Variants in CEP85L observed in about 807,000 individuals in gnomAD.
CEP85L encodes the protein centrosomal protein 85L.
A neutral mutation model predicts 100.3 loss-of-function variants in CEP85L; 60 were observed. That is an observed-to-expected ratio of 0.60 (90% CI 0.49 to 0.74). The LOEUF (loss-of-function observed/expected upper bound fraction) is 0.74, where lower values mean the gene tolerates loss of function less well. Ranked by LOEUF, CEP85L falls within the 30% of genes least tolerant of loss-of-function variation. The probability of loss-of-function intolerance (pLI) is 0.00; values close to 1 mark genes in which losing one functional copy is unlikely to be tolerated. For missense variants in CEP85L, 973 were observed against 936.2 expected, an observed-to-expected ratio of 1.04 and a Z score of -0.51; for synonymous variants, 319 against 322.7, an observed-to-expected ratio of 0.99 and a Z score of 0.12.
rs1781474564 is a variant in CEP85L, at chr6:118,596,681, G to A, written c.233-30365C>T. On this transcript the variant is annotated intron_variant, in intron 2 of 12. Transcript: ENST00000368491. ...TGATTTTTTTAAAAAAAAAACAAGAGTACCTTTCCAGGCAATAATAAATGC... is the reference window on the plus strand; with the variant it reads ...TGATTTTTTTAAAAAAAAAACAAGAATACCTTTCCAGGCAATAATAAATGC... Among the ~76,000 whole-genome samples, 3 of 151,644 alleles carry A rather than the reference G, an allele frequency of 2.0e-5. No homozygotes were observed. In the South Asian group the frequency reaches 6.2e-4, roughly 32 times the overall value.
intron 3 of CEP85L, among the ~76,000 whole-genome samples, chr6:118,547,143 A>G (rs2114909427): frequency 6.6e-6 from 1 of 152,236 alleles, no homozygotes; most frequent in African/African-American, 2.4e-5. Context: ...CCTCCTCTAA[A>G]ATTAAAGAAG....
At chr6:118,573,277 A>G (rs1304947104) in intron 2 of CEP85L, among the ~76,000 whole-genome samples, 1 of 152,204 alleles carries the variant, frequency 6.6e-6, no homozygotes, top group East Asian at 1.9e-4. Context: ...CAATGGACTA[A>G]TATCTTCAAA....
At chr6:118,620,001 C>T (rs1773336873) in intron 2 of CEP85L, among the ~76,000 whole-genome samples, 1 of 152,254 alleles carries the variant, frequency 6.6e-6, no homozygotes, top group East Asian at 1.9e-4. Context: ...AGATTGGAGC[C>T]GCAGGCATTT....
chr6:118,497,563 C>T (rs1253756813), intron 5 of CEP85L, among the ~76,000 whole-genome samples: 1 of 152,094 alleles, frequency 6.6e-6, no homozygotes, highest in Non-Finnish European at 1.5e-5. Flanking sequence ...AACCACACCC[C>T]CTCCCCAGGT....
At chr6:118,489,253 A>G (rs906705206) in intron 6 of CEP85L, among the ~76,000 whole-genome samples, 10 of 146,986 alleles carry the variant, frequency 6.8e-5, no homozygotes, top group Non-Finnish European at 1.0e-4. Context: ...AGTTTGCAAA[A>G]AGTGCAAAGC....
intron 2 of CEP85L, among the ~76,000 whole-genome samples, chr6:118,606,013 C>CAA (rs61023993): frequency 0.032 from 3,259 of 101,736 alleles, 157 homozygotes; most frequent in African/African-American, 0.11. Flanking sequence ...GACTCTGTCT[C>CAA]AAAAAAAAAA....
At chr6:118,638,286 A>G (rs1446935172) in intron 1 of CEP85L, among the ~76,000 whole-genome samples, 1 of 152,102 alleles carries the variant, frequency 6.6e-6, no homozygotes, top group Non-Finnish European at 1.5e-5. Context: ...ACCTTTAAAC[A>G]TAACTATGTC....
chr6:118,583,594 TA>T (rs2115087366), intron 2 of CEP85L, among the ~76,000 whole-genome samples: 1 of 152,230 alleles, frequency 6.6e-6, no homozygotes, highest in African/African-American at 2.4e-5. Context: ...GTGGGCAACT[TA>T]AGGAAGAATA....
chr6:118,651,677 G>T, upstream of CEP85L: 2 of 846,248 alleles, frequency 2.4e-6, no homozygotes, highest in Non-Finnish European at 2.8e-6. Context: ...CGTGCGCGGC[G>T]CCGCGCGGGG....
intron 5 of CEP85L, among the ~76,000 whole-genome samples, chr6:118,508,043 T>C (rs114452397): frequency 0.012 from 1,830 of 152,314 alleles, 29 homozygotes; most frequent in African/African-American, 0.042. Flanking sequence ...AATGGATAAA[T>C]ATATTTTTTG....
chr6:118,559,494 C>G (rs1303966064), intron 3 of CEP85L: 2 of 220,506 alleles, frequency 9.1e-6, no homozygotes, highest in African/African-American at 4.7e-5. Flanking sequence ...TTCTTTAATA[C>G]TAAGTATTTT....
At chr6:118,628,283 G>T (rs936789674) in intron 2 of CEP85L, among the ~76,000 whole-genome samples, 1 of 152,128 alleles carries the variant, frequency 6.6e-6, no homozygotes, top group Non-Finnish European at 1.5e-5. Flanking sequence ...ATGATAAATA[G>T]GGTAAAGGCT....
At chr6:118,538,140 T>C (rs1777704303) in intron 3 of CEP85L, 1 of 182,512 alleles carries the variant, frequency 5.5e-6, no homozygotes, top group Non-Finnish European at 1.0e-5. Flanking sequence ...CATTATTACG[T>C]ATTTCTCTAA....
chr6:118,566,048 G>A lies in CEP85L; in HGVS notation c.501C>T (p.Asn167=). The A allele has an allele frequency of 6.2e-7, 1 of 1,614,210 alleles. No individual in the cohort carries two copies. Among genetic ancestry groups the A allele is most frequent in the Non-Finnish European group, 8.5e-7 (1 of 1,180,046 alleles). ...TGCATACAGTGCCACCCTGGCCACAGTTATCCGGGGCAGTGAGTTTGGATA... is the reference window on the plus strand; with the variant it reads ...TGCATACAGTGCCACCCTGGCCACAATTATCCGGGGCAGTGAGTTTGGATA... ...SSLSKLTAPD[N]CGQGGTVCRE... The change falls in exon 3 of 13, where the codon AAC becomes AAT. Residue 167 remains asparagine, a synonymous_variant. Transcript: ENST00000368491.
chr6:118,578,470 G>A (rs965283896), intron 2 of CEP85L, among the ~76,000 whole-genome samples: 22 of 152,190 alleles, frequency 1.4e-4, no homozygotes, highest in East Asian at 3.9e-4. Flanking sequence ...GGTGGCTCAC[G>A]CCTGTAATCC....
intron 1 of CEP85L, among the ~76,000 whole-genome samples, chr6:118,667,037 T>C (rs955784932): frequency 6.6e-6 from 1 of 152,236 alleles, no homozygotes; most frequent in African/African-American, 2.4e-5. Context: ...CAGTCAGTCA[T>C]TCAAGACTTA....
chr6:118,685,878 C>T (rs1023294639), intron 1 of CEP85L, among the ~76,000 whole-genome samples: 3 of 151,918 alleles, frequency 2.0e-5, no homozygotes, highest in East Asian at 1.9e-4. Flanking sequence ...AAAAGTGAGA[C>T]GAAAAAGTGC....
intron 1 of CEP85L, among the ~76,000 whole-genome samples, chr6:118,680,947 C>T (rs922044193): frequency 5.9e-5 from 9 of 151,714 alleles, no homozygotes; most frequent in African/African-American, 1.2e-4. Context: ...GGCCTGACAA[C>T]GAGGAGGAGT....
chr6:118,577,279 G>A (rs1780297212), intron 2 of CEP85L, among the ~76,000 whole-genome samples: 1 of 152,168 alleles, frequency 6.6e-6, no homozygotes, highest in South Asian at 2.1e-4. Flanking sequence ...TATTGCAGTG[G>A]ACCACTATTG....
Sources: gnomAD v4.1 joint callset for allele counts (sites outside exome capture counted in the v4.1 genomes callset) on GRCh38, gnomAD v4.1.1 for gene constraint, MANE v1.5 for transcripts, NCBI Gene and HGNC (gene_info 2026-07-23, HGNC 2026-07-21) for gene names.